INPP5B: variants seen among roughly 807,000 people sequenced by gnomAD.
The protein encoded by INPP5B is type II inositol 1,4,5-trisphosphate 5-phosphatase.
Under a neutral mutation model 118.5 loss-of-function variants are expected in INPP5B, and 90 were observed. The observed-to-expected ratio is 0.76, with a 90% CI of 0.64 to 0.90. INPP5B has a LOEUF of 0.90. Ranked by LOEUF, INPP5B falls within the 40% of genes least tolerant of loss-of-function variation. The pLI is 0.00. For synonymous variants in INPP5B, 385 were observed against 418.9 expected, an observed-to-expected ratio of 0.92 and a Z score of 0.99; for missense variants, 984 against 1,125.6, an observed-to-expected ratio of 0.87 and a Z score of 1.80.
chr1:37,931,637 C>T lies in INPP5B; in HGVS notation c.532+276G>A, dbSNP rs773255377. ...GCCGGGCGCACCGCCGCCCCCGGCC[C>T]AGCTCCCCAGCCCAGCTTCCCGCCG... On this transcript the variant is annotated intron_variant, in intron 7 of 23. Coordinates refer to ENST00000373024, the MANE Select transcript of INPP5B (RefSeq NM_005540.3). The T allele has an allele frequency of 3.8e-5, 59 of 1,535,014 alleles. No individual in the cohort carries two copies. The South Asian group carries it at 6.7e-4, about 17-fold the overall frequency.
intron 7 of INPP5B, 33 bp downstream of exon 7, chr1:37,931,880 A>T (rs764516197): frequency 6.2e-7 from 1 of 1,613,606 alleles, no homozygotes; most frequent in Non-Finnish European, 8.5e-7. Context: ...GCCTCCTCCA[A>T]TCCCCACCGT....
At chr1:37,873,323 G>A in intron 18 of INPP5B, 158 bp from the exon 19 acceptor site, 1 of 612,490 alleles carries the variant, frequency 1.6e-6, no homozygotes, top group Non-Finnish European at 2.9e-6. Flanking sequence ...GCATGCAGGA[G>A]ACACAAGAAC....
At chr1:37,908,098 T>C (rs1644558896) in intron 7 of INPP5B, among the ~76,000 whole-genome samples, 1 of 152,170 alleles carries the variant, frequency 6.6e-6, no homozygotes, top group South Asian at 2.1e-4. Flanking sequence ...CAACCTTTGC[T>C]GACTCCTTTC....
chr1:37,879,025 A>AGGTG (rs1411370890), intron 15 of INPP5B, among the ~76,000 whole-genome samples: 2 of 150,210 alleles, frequency 1.3e-5, no homozygotes, highest in Non-Finnish European at 3.0e-5. Context: ...TGGGAGGCCA[A>AGGTG]GGCAGGGGGA....
intron 14 of INPP5B, among the ~76,000 whole-genome samples, chr1:37,881,433 G>T (rs920931512): frequency 5.9e-5 from 9 of 152,084 alleles, no homozygotes; most frequent in African/African-American, 2.2e-4. Context: ...CTCTTCCCTG[G>T]AGCACCACAC....
At position 37,899,130 on chromosome 1, in the gene INPP5B, G is replaced by A. The variant is rs889998225; in HGVS notation, c.533-7676C>T. 5.5e-5 allele frequency among the ~76,000 whole-genome samples: 8 copies of A among 146,000 alleles called. No homozygotes were observed. In the East Asian group the frequency reaches 6.0e-4, roughly 11 times the overall value. On this transcript the variant is annotated intron_variant, in intron 7 of 23. Transcript: ENST00000373024. ...CGAGAGGCGGAGGTTGCAGTGAGCCGAGATCGCGCCATTGCACTCCAGCCT... is the reference window on the plus strand; with the variant it reads ...CGAGAGGCGGAGGTTGCAGTGAGCCAAGATCGCGCCATTGCACTCCAGCCT...
In INPP5B at chr1:37,878,228, G is replaced by A. The variant is rs757691823; in HGVS notation, c.1637C>T (p.Thr546Ile). Residue 546 changes from threonine (T) to isoleucine (I), a missense_variant, in exon 16 of 24, where the codon ACC becomes ATC. Transcript: ENST00000373024. ...TGAGCTGACAGGCTTGTGGTCACTGGTCTTCAGGGCCATGTGGCTCTGGTA... is the reference window on the plus strand; with the variant it reads ...TGAGCTGACAGGCTTGTGGTCACTGATCTTCAGGGCCATGTGGCTCTGGTA... ...LSYQSHMALKTSDHKPVSSVF... is the reference protein window; with the variant it reads ...LSYQSHMALKISDHKPVSSVF... 1.1e-5 allele frequency: 17 copies of A among 1,614,132 alleles called. No individual in the cohort carries two copies. The highest frequency in any genetic ancestry group is 2.5e-6 in the Non-Finnish European group (3 of 1,180,026).
At chr1:37,882,571 G>A (rs891337362) in intron 14 of INPP5B, among the ~76,000 whole-genome samples, 3 of 152,236 alleles carry the variant, frequency 2.0e-5, no homozygotes, top group Non-Finnish European at 4.4e-5. Flanking sequence ...CAAGGTGAGA[G>A]AGAGAACATG....
intron 7 of INPP5B, among the ~76,000 whole-genome samples, chr1:37,917,974 G>A (rs1644932582): frequency 6.6e-6 from 1 of 152,074 alleles, no homozygotes; most frequent in Non-Finnish European, 1.5e-5. Flanking sequence ...ATGCAGGGGG[G>A]ACCCAGGTAA....
chr1:37,886,477 T>C (rs1643543218), intron 12 of INPP5B, among the ~76,000 whole-genome samples: 1 of 152,124 alleles, frequency 6.6e-6, no homozygotes, highest in Non-Finnish European at 1.5e-5. Flanking sequence ...AGGCAAACCA[T>C]AGGTACCCTT....
At chr1:37,865,517 A>G (rs1354361627) in intron 22 of INPP5B, among the ~76,000 whole-genome samples, 2 of 152,176 alleles carry the variant, frequency 1.3e-5, no homozygotes, top group Non-Finnish European at 2.9e-5. Context: ...GATCAACGAG[A>G]CTGGGCACAT....
chr1:37,862,364 TTCTC>T lies in INPP5B; in HGVS notation c.2689_2692del (p.Glu897ArgfsTer46). 6.2e-7 allele frequency: 1 copy of T among 1,614,074 alleles called. No individual in the cohort carries two copies. The highest frequency in any genetic ancestry group is 8.5e-7 in the Non-Finnish European group (1 of 1,179,928). On this transcript the variant is annotated frameshift_variant, in exon 24 of 24. Transcript: ENST00000373024. LOFTEE classifies it high-confidence loss of function. Reference sequence around the variant, plus strand: ...GTGAATAAATTCTTGAGCCTTCTTCTTCTCTGTCATATCAAGCTTTTGGTGACCA... The same window carrying T: ...GTGAATAAATTCTTGAGCCTTCTTCTTGTCATATCAAGCTTTTGGTGACCA...
At chr1:37,944,878 C>T (rs1646063120) in intron 3 of INPP5B, among the ~76,000 whole-genome samples, 1 of 152,132 alleles carries the variant, frequency 6.6e-6, no homozygotes, top group African/African-American at 2.4e-5. Context: ...CTCAGCCTCC[C>T]AAAGTGTTGG....
At chr1:37,887,709 C>T (rs955062197) in intron 10 of INPP5B, among the ~76,000 whole-genome samples, 1 of 152,206 alleles carries the variant, frequency 6.6e-6, no homozygotes, top group Non-Finnish European at 1.5e-5. Flanking sequence ...CCCTATTTTA[C>T]ATCTGTAACC....
In INPP5B at chr1:37,861,264, G is replaced by C. The variant is rs1641679259; in HGVS notation, c.*1051C>G. The C allele has an allele frequency of 6.6e-6, 1 of 152,232 alleles. No homozygotes were observed. Among genetic ancestry groups the C allele is most frequent in the Non-Finnish European group, 1.5e-5 (1 of 68,046 alleles). 9.4% of individuals were successfully genotyped at this position (152,232 alleles called of 1,614,324 possible). Reference sequence around the variant, plus strand: ...CACATCCTCAGACAGAGCACTGAAAGCATCTGAGGTGGCTGTAGCCTATTT... The same window carrying C: ...CACATCCTCAGACAGAGCACTGAAACCATCTGAGGTGGCTGTAGCCTATTT... On this transcript the variant is annotated 3_prime_UTR_variant, in exon 24 of 24. Transcript: ENST00000373024.
chr1:37,933,150 A>G (rs1396590261), intron 6 of INPP5B, among the ~76,000 whole-genome samples: 1 of 152,218 alleles, frequency 6.6e-6, no homozygotes, highest in East Asian at 1.9e-4. Flanking sequence ...CAGCATTTAC[A>G]TACTATTAAC....
At chr1:37,902,047 C>T (rs1644352523) in intron 7 of INPP5B, among the ~76,000 whole-genome samples, 2 of 151,450 alleles carry the variant, frequency 1.3e-5, no homozygotes, top group Non-Finnish European at 2.9e-5. Context: ...AGTGTGGTGG[C>T]GTGATCTCAG....
In INPP5B at chr1:37,865,815, G is replaced by A. The variant is rs936128173; in HGVS notation, c.2460C>T (p.Tyr820=). 4 of 1,613,852 alleles carry A rather than the reference G, an allele frequency of 2.5e-6. No individual in the cohort carries two copies. Among genetic ancestry groups the A allele is most frequent in the African/African-American group, 2.7e-5 (2 of 75,052 alleles). ...ACTCCAAGCAGTTATGGTAGGTGCT[G>A]TAACAGATGACAGGCTCTGGAAGGC... ...LESLPEPVIC[Y]STYHNCLECS... The change falls in exon 22 of 24, where the codon TAC becomes TAT. Residue 820 remains tyrosine (Y), a synonymous_variant. Transcript: ENST00000373024.
At position 37,888,329 on chromosome 1, in the gene INPP5B, T is replaced by C. The variant is rs1334167749; in HGVS notation, c.813A>G (p.Thr271=). ...TGGGGGACTGCCCATTTACATTGTA[T>C]GTTCCCGCAAAAAACCTGTCACCAA... The part of the protein sequence containing the change: ...YIQNFRFFAG[T]YNVNGQSPKE... The change falls in exon 10 of 24, where the codon ACA becomes ACG. Residue 271 remains threonine, a synonymous_variant. Transcript: ENST00000373024. 2 of 1,548,116 alleles carry C rather than the reference T, an allele frequency of 1.3e-6. No homozygotes were observed. The highest frequency in any genetic ancestry group is 1.4e-5 in the African/African-American group (1 of 71,706).
Sources: gnomAD v4.1 joint callset for allele counts (sites outside exome capture counted in the v4.1 genomes callset) on GRCh38, gnomAD v4.1.1 for gene constraint, MANE v1.5 for transcripts, NCBI Gene and HGNC (gene_info 2026-07-23, HGNC 2026-07-21) for gene names.